Variants in CARMIL1 observed in about 807,000 individuals in gnomAD.
The protein encoded by CARMIL1 is capping protein regulator and myosin 1 linker 1, also known as F-actin-uncapping protein LRRC16A.
CARMIL1 carries 90 observed loss-of-function variants against 177.1 expected under a neutral mutation model. The ratio of observed to expected loss-of-function variants is 0.51; its 90% confidence interval spans 0.43 to 0.61. CARMIL1 has a LOEUF of 0.61. CARMIL1 is among the 20% of genes least tolerant of loss of function. The pLI is 0.00. For missense variants in CARMIL1, 1,380 were observed against 1,667.0 expected (o/e 0.83, Z 3.00); for synonymous variants, 577 against 606.2 (o/e 0.95, Z 0.71).
intron 20 of CARMIL1, among the ~76,000 whole-genome samples, chr6:25,512,776 C>A (rs980564173): frequency 2.0e-5 from 3 of 152,152 alleles, no homozygotes; most frequent in African/African-American, 7.2e-5. Context: ...CACCCAGAGT[C>A]ATGGGACAGT....
chr6:25,481,025 T>C (rs1360881412), intron 11 of CARMIL1, among the ~76,000 whole-genome samples: 1 of 152,004 alleles, frequency 6.6e-6, no homozygotes, highest in Admixed American at 6.6e-5. Context: ...TTCCTCTCTT[T>C]TTTGCCTTTT....
intron 2 of CARMIL1, among the ~76,000 whole-genome samples, chr6:25,311,505 T>C (rs1330681622): frequency 6.6e-6 from 1 of 151,926 alleles, no homozygotes; most frequent in African/African-American, 2.4e-5. Context: ...ATTTGGAAGC[T>C]CTAGGTCTTG....
intron 26 of CARMIL1, among the ~76,000 whole-genome samples, chr6:25,546,153 A>G (rs892613522): frequency 6.6e-6 from 1 of 152,060 alleles, no homozygotes; most frequent in African/African-American, 2.4e-5. Context: ...TTTTTTTTAA[A>G]TAGGGGAAAA....
chr6:25,327,164 A>AG (rs1785197560), intron 2 of CARMIL1, among the ~76,000 whole-genome samples: 2 of 13,612 alleles, frequency 1.5e-4, no homozygotes. Context: ...TGATATCACC[A>AG]AGGAGAGAGA....
intron 2 of CARMIL1, among the ~76,000 whole-genome samples, chr6:25,382,259 G>A (rs1292249755): frequency 6.6e-6 from 1 of 151,898 alleles, no homozygotes; most frequent in Non-Finnish European, 1.5e-5. Flanking sequence ...CACCACGTCT[G>A]GCTAATTTTT....
intron 5 of CARMIL1, among the ~76,000 whole-genome samples, chr6:25,435,843 A>T (rs1797176882): frequency 6.6e-6 from 1 of 152,150 alleles, no homozygotes; most frequent in Non-Finnish European, 1.5e-5. Context: ...GCAGTCCTTT[A>T]ACTTCTCATA....
intron 11 of CARMIL1, among the ~76,000 whole-genome samples, chr6:25,479,645 C>T (rs531129320): frequency 3.9e-5 from 6 of 152,042 alleles, no homozygotes. Context: ...TGGCTGCTAT[C>T]TATTTAACTG....
chr6:25,474,919 C>G (rs1801408318), intron 11 of CARMIL1, among the ~76,000 whole-genome samples: 1 of 152,010 alleles, frequency 6.6e-6, no homozygotes, highest in South Asian at 2.1e-4. Flanking sequence ...TAAGATGGAC[C>G]AGGAAGGGGA....
At position 25,279,776 on chromosome 6, in the gene CARMIL1, C is replaced by T; in HGVS notation, c.-20C>T. The T allele has an allele frequency of 6.2e-7, 1 of 1,613,746 alleles. No homozygotes were observed. The highest frequency in any genetic ancestry group is 1.3e-5 in the African/African-American group (1 of 75,020). ...AATCAGAGTTGGACCTGCAATAACC[C>T]CCACACCTACAGGGCAACCATGACC... On this transcript the variant is annotated 5_prime_UTR_variant, in exon 1 of 37. Coordinates refer to ENST00000329474, the MANE Select transcript of CARMIL1 (RefSeq NM_017640.6).
intron 36 of CARMIL1, among the ~76,000 whole-genome samples, chr6:25,617,998 A>C (rs1356220403): frequency 1.3e-5 from 2 of 152,332 alleles, no homozygotes; most frequent in South Asian, 2.1e-4. Flanking sequence ...GGACAAAAAG[A>C]AGTCACAATT....
intron 2 of CARMIL1, among the ~76,000 whole-genome samples, chr6:25,396,654 G>A (rs554481112): frequency 6.6e-6 from 1 of 152,248 alleles, no homozygotes; most frequent in Non-Finnish European, 1.5e-5. Context: ...GGGCCACCAT[G>A]CCTGGCCGTT....
intron 4 of CARMIL1, among the ~76,000 whole-genome samples, chr6:25,428,993 T>C (rs1257230488): frequency 1.3e-5 from 2 of 152,190 alleles, no homozygotes; most frequent in Non-Finnish European, 2.9e-5. Flanking sequence ...ACCTTTTATT[T>C]TTAACATGGG....
At chr6:25,586,769 A>G (rs1352750832) in intron 31 of CARMIL1, among the ~76,000 whole-genome samples, 4 of 152,088 alleles carry the variant, frequency 2.6e-5, no homozygotes, top group African/African-American at 7.3e-5. Context: ...CCCGGCCAAC[A>G]CGGCGAAACC....
intron 2 of CARMIL1, among the ~76,000 whole-genome samples, chr6:25,344,561 G>A (rs1787300014): frequency 6.6e-6 from 1 of 152,086 alleles, no homozygotes; most frequent in Non-Finnish European, 1.5e-5. Flanking sequence ...TCTTAAGTGG[G>A]CCCTTGATGC....
At chr6:25,498,334 A>G (rs552343946) in intron 16 of CARMIL1, among the ~76,000 whole-genome samples, 3 of 152,226 alleles carry the variant, frequency 2.0e-5, no homozygotes, top group African/African-American at 7.2e-5. Context: ...TTTTGCCATC[A>G]TTAGGTTAAA....
chr6:25,318,045 G>C (rs1784411195), intron 2 of CARMIL1, among the ~76,000 whole-genome samples: 1 of 152,166 alleles, frequency 6.6e-6, no homozygotes, highest in Admixed American at 6.5e-5. Flanking sequence ...ACTTGACCTT[G>C]TGTGAGCATC....
intron 29 of CARMIL1, among the ~76,000 whole-genome samples, chr6:25,572,702 C>CAAAAA (rs35085655): frequency 7.5e-5 from 4 of 53,196 alleles, no homozygotes; most frequent in Admixed American, 2.4e-4. Flanking sequence ...GACCTTGTCT[C>CAAAAA]AAAAAAAAAA....
intron 2 of CARMIL1, among the ~76,000 whole-genome samples, chr6:25,334,034 T>C (rs1785964802): frequency 6.6e-6 from 1 of 152,244 alleles, no homozygotes; most frequent in Non-Finnish European, 1.5e-5. Context: ...CGTGTATGTG[T>C]GTGCAGGACA....
At chr6:25,281,136 GCACA>G (rs1554148590) in intron 1 of CARMIL1, among the ~76,000 whole-genome samples, 5,704 of 132,142 alleles carry the variant, frequency 0.043, 141 homozygotes, top group Middle Eastern at 0.088. Context: ...GTGCGCGCGC[GCACA>G]CACACACACA....
Sources: gnomAD v4.1 joint callset for allele counts (sites outside exome capture counted in the v4.1 genomes callset) on GRCh38, gnomAD v4.1.1 for gene constraint, MANE v1.5 for transcripts, NCBI Gene and HGNC (gene_info 2026-07-23, HGNC 2026-07-21) for gene names.